Variants in COQ8B observed in about 807,000 individuals in gnomAD.
COQ8B encodes the protein atypical kinase COQ8B, mitochondrial.
A neutral mutation model predicts 62.0 loss-of-function variants in COQ8B; 44 were observed. That is an observed-to-expected ratio of 0.71 (90% CI 0.56 to 0.91). COQ8B has a LOEUF of 0.91. COQ8B is among the 40% of genes least tolerant of loss of function. The probability of loss-of-function intolerance (pLI) is 0.00; values close to 1 mark genes in which losing one functional copy is unlikely to be tolerated. For synonymous variants in COQ8B, 252 were observed against 289.9 expected, an observed-to-expected ratio of 0.87 and a Z score of 1.33; for missense variants, 649 against 731.6, an observed-to-expected ratio of 0.89 and a Z score of 1.30.
Position 40,703,755 on chromosome 19 carries a change from C to A in COQ8B, c.677G>T (p.Gly226Val). Residue 226 changes from glycine to valine, a missense_variant, in exon 8 of 15, where the codon GGC (glycine) becomes GTC (valine). Coordinates refer to ENST00000324464, the MANE Select transcript of COQ8B (RefSeq NM_024876.4). ...CACCTCCGTCCCGTCCCTCAGCAGG[C>A]CCTGGTGCACCTGCCCAATTGAGGC... ...AAASIGQVHQ[G>V]LLRDGTEVAV... The A allele has an allele frequency of 1.2e-6, 2 of 1,614,114 alleles. No homozygotes were observed. Among genetic ancestry groups the A allele is most frequent in the South Asian group, 1.1e-5 (1 of 91,086 alleles).
At position 40,703,278 on chromosome 19, in the gene COQ8B, T is replaced by G. The variant is rs371898438; in HGVS notation, c.799+263A>C. 334 of 469,498 alleles carry G rather than the reference T, an allele frequency of 7.1e-4. 3 individuals are homozygous for G. Among genetic ancestry groups the G allele is most frequent in the African/African-American group, 5.9e-3 (298 of 50,852 alleles). 29.1% of individuals were successfully genotyped at this position (469,498 alleles called of 1,614,324 possible). A position where few individuals can be genotyped will look rare whatever the true frequency, so the allele number is the denominator to read the frequency against. ...CGCACCTACAATCCCGCTCCCTGCA[T>G]GCACACCCTCTGAGAGTCTGCTGCT... On this transcript the variant is annotated intron_variant, in intron 9 of 14. Transcript: ENST00000324464.
intron 12 of COQ8B, among the ~76,000 whole-genome samples, chr19:40,698,047 C>G (rs2082032865): frequency 6.6e-6 from 1 of 150,434 alleles, no homozygotes; most frequent in African/African-American, 2.4e-5. Flanking sequence ...GAAACCCCAT[C>G]TCTACTAAAA....
At chr19:40,697,875 G>GAC (rs1555756059) in intron 12 of COQ8B, among the ~76,000 whole-genome samples, 5 of 103,474 alleles carry the variant, frequency 4.8e-5, no homozygotes, top group African/African-American at 2.1e-4. Context: ...GAGAGAGAGA[G>GAC]AGTTTCTACT....
intron 2 of COQ8B, 21 bp from the exon 3 acceptor site, chr19:40,714,418 TAAG>T (rs1378315821): frequency 1.9e-6 from 3 of 1,612,764 alleles, no homozygotes; most frequent in Non-Finnish European, 2.5e-6. Context: ...TATACTTTGA[TAAG>T]GAGGGGAGGA....
At chr19:40,703,168 C>T (rs1568440042) in intron 9 of COQ8B, among the ~76,000 whole-genome samples, 2 of 152,082 alleles carry the variant, frequency 1.3e-5, no homozygotes, top group African/African-American at 2.4e-5. Flanking sequence ...TCTCCCTCTC[C>T]GTCTCTTACA....
chr19:40,696,821 TG>T (rs1340056864), intron 12 of COQ8B, among the ~76,000 whole-genome samples: 1 of 152,228 alleles, frequency 6.6e-6, no homozygotes, highest in Non-Finnish European at 1.5e-5. Context: ...TTTCTATGTA[TG>T]TGTACAGCTG....
Position 40,714,285 on chromosome 19 carries a change from C to T in COQ8B, c.215G>A (p.Arg72Gln), listed in dbSNP as rs145805129. The change falls in exon 3 of 15, where the codon CGG (arginine) becomes CAG (glutamine). Residue 72 changes from arginine to glutamine, a missense_variant. Coordinates refer to ENST00000324464, the MANE Select transcript of COQ8B (RefSeq NM_024876.4). ...AREARPRKTP[R>Q]PQLSDRSRER... The stretch of plus-strand genomic sequence containing the variant: ...GGGTGGGGGTAATGATACCTGGGGC[C>T]GGGGTGTCTTCCTGGGACGGGCCTC... The T allele has an allele frequency of 1.5e-5, 24 of 1,611,992 alleles. No individual in the cohort carries two copies. Among genetic ancestry groups the T allele is most frequent in the Middle Eastern group, 1.7e-4 (1 of 6,056 alleles).
intron 13 of COQ8B, among the ~76,000 whole-genome samples, chr19:40,694,842 A>G (rs2082001635): frequency 6.6e-6 from 1 of 152,164 alleles, no homozygotes; most frequent in Non-Finnish European, 1.5e-5. Context: ...AGGCTGGCTC[A>G]GGCTCCTCCT....
intron 3 of COQ8B, 33 bp downstream of exon 3, chr19:40,714,245 G>A (rs1336553256): frequency 6.2e-7 from 1 of 1,607,728 alleles, no homozygotes; most frequent in Non-Finnish European, 8.5e-7. Context: ...CAGTATTCGT[G>A]GGGTGTTGCT....
chr19:40,700,497 T>G, intron 10 of COQ8B, 46 bp from the exon 11 acceptor site: 1 of 1,593,956 alleles, frequency 6.3e-7, no homozygotes, highest in African/African-American at 1.3e-5. Flanking sequence ...GCTTCAGGCT[T>G]GTGACCCAGC....
At chr19:40,695,326 A>AAAAAAAAAAAAAAG (rs1555755672) in intron 13 of COQ8B, among the ~76,000 whole-genome samples, 1 of 141,866 alleles carries the variant, frequency 7.0e-6, no homozygotes, top group Non-Finnish European at 1.5e-5. Context: ...TCAATTAAAA[A>AAAAAAAAAAAAAAG]AAAAAAAAAG....
At chr19:40,716,229 C>A (rs1321270413) in intron 1 of COQ8B, among the ~76,000 whole-genome samples, 1 of 152,124 alleles carries the variant, frequency 6.6e-6, no homozygotes, top group Non-Finnish European at 1.5e-5. Flanking sequence ...CCAGTTGACT[C>A]AATTTCAAGA....
At chr19:40,705,281 G>A (rs1371370593) in intron 6 of COQ8B, 44 bp downstream of exon 6, 1 of 1,586,708 alleles carries the variant, frequency 6.3e-7, no homozygotes, top group African/African-American at 1.3e-5. Flanking sequence ...TAGGGCTGGG[G>A]TAGAAGGGAG....
chr19:40,714,162 G>A (rs1198660176), intron 3 of COQ8B, 29 bp from the exon 4 acceptor site: 1 of 1,613,794 alleles, frequency 6.2e-7, no homozygotes, highest in East Asian at 2.2e-5. Flanking sequence ...GTCTGAGGGT[G>A]GGAAAGTGGG....
chr19:40,699,816 G>A (rs1477026572), intron 12 of COQ8B, among the ~76,000 whole-genome samples: 1 of 152,132 alleles, frequency 6.6e-6, no homozygotes, highest in African/African-American at 2.4e-5. Flanking sequence ...TTCCACTTCT[G>A]GCCAAAGCAG....
Position 40,710,338 on chromosome 19 carries a change from G to A in COQ8B, c.290-202C>T, listed in dbSNP as rs1029889648. Among the ~76,000 whole-genome samples the A allele has an allele frequency of 1.1e-4, 17 of 152,152 alleles. No homozygotes were observed. In the South Asian group the frequency reaches 1.2e-3, roughly 11 times the overall value. On this transcript the variant is annotated intron_variant, in intron 4 of 14. Coordinates refer to ENST00000324464, the MANE Select transcript of COQ8B (RefSeq NM_024876.4). ...TGGTTCACTGCAACCTCCACCTCCC[G>A]GGTTCAAGCGATTCTCCTGCCTCAG...
intron 12 of COQ8B, among the ~76,000 whole-genome samples, chr19:40,699,588 G>A (rs2082045889): frequency 6.6e-6 from 1 of 152,228 alleles, no homozygotes; most frequent in African/African-American, 2.4e-5. Context: ...TGGATGACGA[G>A]TGTGGTAGTG....
At chr19:40,708,790 G>A (rs572960781) in intron 5 of COQ8B, among the ~76,000 whole-genome samples, 4 of 152,082 alleles carry the variant, frequency 2.6e-5, no homozygotes, top group South Asian at 2.1e-4. Context: ...TTAGCCAGGC[G>A]TGGTGGCACG....
chr19:40,714,499 T>A, intron 2 of COQ8B, 32 bp downstream of exon 2: 4 of 1,613,746 alleles, frequency 2.5e-6, no homozygotes, highest in Non-Finnish European at 3.4e-6. Flanking sequence ...CTCAGCCTCT[T>A]CCCCTTGGGG....
Sources: allele counts gnomAD v4.1 joint callset (sites outside exome capture counted in the v4.1 genomes callset), GRCh38; gene constraint gnomAD v4.1.1; transcripts MANE v1.5; gene names NCBI Gene and HGNC (gene_info 2026-07-23, HGNC 2026-07-21).